Variants in IQCM observed in about 807,000 individuals in gnomAD.
The protein encoded by IQCM is IQ domain-containing protein M.
IQCM carries 45 observed loss-of-function variants against 57.6 expected under a neutral mutation model. The ratio of observed to expected loss-of-function variants is 0.78; its 90% CI spans 0.62 to 1.00. The LOEUF is 1.00. Among genes scored for constraint, IQCM ranks in the 50% least tolerant of loss-of-function variants. The pLI is 0.00. For synonymous variants in IQCM, 148 were observed against 158.9 expected, an observed-to-expected ratio of 0.93 and a Z score of 0.51; for missense variants, 468 against 511.6, an observed-to-expected ratio of 0.91 and a Z score of 0.82.
intron 2 of IQCM, among the ~76,000 whole-genome samples, chr4:149,793,873 C>T (rs566562972): frequency 3.9e-5 from 6 of 152,300 alleles, no homozygotes; most frequent in Admixed American, 2.6e-4. Context: ...GGCAGGAGGG[C>T]AGACTGAGCA....
intron 12 of IQCM, among the ~76,000 whole-genome samples, chr4:149,449,318 G>A (rs904016673): frequency 6.9e-6 from 1 of 144,564 alleles, no homozygotes; most frequent in African/African-American, 2.5e-5. Flanking sequence ...TTAAAACCAG[G>A]TTTATATATA....
At chr4:149,610,446 G>A (rs756644120) in intron 8 of IQCM, among the ~76,000 whole-genome samples, 1 of 151,990 alleles carries the variant, frequency 6.6e-6, no homozygotes, top group Non-Finnish European at 1.5e-5. Context: ...TACAAAGCTG[G>A]AGGCATTGCA....
chr4:149,796,454 G>A (rs928482145), intron 2 of IQCM, among the ~76,000 whole-genome samples: 5 of 152,140 alleles, frequency 3.3e-5, no homozygotes, highest in African/African-American at 1.2e-4. Flanking sequence ...CTCCTGGACA[G>A]CACCTCTGTA....
At chr4:149,555,417 A>G (rs17502007) in intron 10 of IQCM, among the ~76,000 whole-genome samples, 3,627 of 152,248 alleles carry the variant, frequency 0.024, 105 homozygotes, top group South Asian at 0.15. Flanking sequence ...CAAACTTTGA[A>G]TGGAAACAAA....
intron 12 of IQCM, among the ~76,000 whole-genome samples, chr4:149,510,431 C>A (rs976178601): frequency 1.3e-5 from 2 of 152,094 alleles, no homozygotes; most frequent in African/African-American, 4.8e-5. Context: ...TAGCCATACA[C>A]TGTTTTTCAC....
intron 13 of IQCM, among the ~76,000 whole-genome samples, chr4:149,361,650 T>C (rs1729497145): frequency 2.0e-5 from 3 of 152,066 alleles, no homozygotes; most frequent in African/African-American, 7.2e-5. Context: ...TGCACATAAG[T>C]CAAGAATTGA....
intron 5 of IQCM, among the ~76,000 whole-genome samples, chr4:149,689,165 C>G (rs1235465358): frequency 2.0e-5 from 3 of 151,934 alleles, no homozygotes; most frequent in Non-Finnish European, 4.4e-5. Flanking sequence ...AACCCAAATG[C>G]CCATCAGTGA....
chr4:149,369,011 C>G (rs1309177335), intron 13 of IQCM, among the ~76,000 whole-genome samples: 1 of 39,492 alleles, frequency 2.5e-5, no homozygotes, highest in Non-Finnish European at 5.2e-5. Context: ...TATATATACA[C>G]GTGTATATAT....
intron 13 of IQCM, among the ~76,000 whole-genome samples, chr4:149,394,478 G>T (rs1467402586): frequency 6.6e-6 from 1 of 151,896 alleles, no homozygotes; most frequent in African/African-American, 2.4e-5. Context: ...GCAATGTTTG[G>T]GTTCTCTGTT....
At chr4:149,793,272 G>A (rs1301453424) in intron 2 of IQCM, among the ~76,000 whole-genome samples, 1 of 151,988 alleles carries the variant, frequency 6.6e-6, no homozygotes, top group African/African-American at 2.4e-5. Context: ...AAGTGTTCAG[G>A]GTCAGAACCA....
chr4:149,440,459 A>G (rs1735828164), intron 12 of IQCM, among the ~76,000 whole-genome samples: 1 of 152,054 alleles, frequency 6.6e-6, no homozygotes, highest in Non-Finnish European at 1.5e-5. Context: ...AGTTAATTAC[A>G]CAGTTAAATA....
intron 12 of IQCM, among the ~76,000 whole-genome samples, chr4:149,475,906 G>A (rs1220431828): frequency 6.6e-6 from 1 of 152,080 alleles, no homozygotes; most frequent in Non-Finnish European, 1.5e-5. Context: ...GTAGGAAGGT[G>A]TATTTCAGAG....
intron 12 of IQCM, among the ~76,000 whole-genome samples, chr4:149,476,098 A>G (rs1376413818): frequency 6.6e-6 from 1 of 152,086 alleles, no homozygotes; most frequent in African/African-American, 2.4e-5. Flanking sequence ...GGAGAGAGAG[A>G]TGAAAATTAC....
At position 149,768,940 on chromosome 4, in the gene IQCM, T is replaced by C. The variant is rs565041644; in HGVS notation, c.-48-26201A>G. Among the ~76,000 whole-genome samples the C allele has an allele frequency of 5.3e-5, 8 of 152,194 alleles. 1 individual carries two copies. The highest frequency in any genetic ancestry group is 2.1e-4 in the South Asian group (1 of 4,826). ...ACTAAATTTATTAAAAATATACTTA[T>C]GGACATTTAAGCTATCTGAGGTAAT... On this transcript the variant is annotated intron_variant, in intron 2 of 13. Coordinates refer to ENST00000636793, the MANE Select transcript of IQCM (RefSeq NM_001363507.2).
intron 2 of IQCM, among the ~76,000 whole-genome samples, chr4:149,809,877 C>G (rs1774398981): frequency 6.6e-6 from 1 of 152,182 alleles, no homozygotes; most frequent in Admixed American, 6.5e-5. Flanking sequence ...TTACCATAAG[C>G]AACCCAGATA....
chr4:149,645,920 C>T (rs1481539602), intron 7 of IQCM, among the ~76,000 whole-genome samples: 1 of 152,182 alleles, frequency 6.6e-6, no homozygotes, highest in Non-Finnish European at 1.5e-5. Context: ...CCTACTTCCT[C>T]TGCACACCTG....
chr4:149,446,401 A>T (rs900961817), intron 12 of IQCM, among the ~76,000 whole-genome samples: 2 of 151,774 alleles, frequency 1.3e-5, no homozygotes, highest in African/African-American at 4.8e-5. Flanking sequence ...TACTGGCTCA[A>T]ATATGAATAA....
chr4:149,815,285 C>A (rs2150075335), intron 2 of IQCM, 26 bp downstream of exon 2: 1 of 151,992 alleles, frequency 6.6e-6, no homozygotes, highest in Admixed American at 6.6e-5. Context: ...TATATACAGA[C>A]AACGTGGTAT....
At chr4:149,371,125 G>A (rs1192865831) in intron 13 of IQCM, among the ~76,000 whole-genome samples, 1 of 152,036 alleles carries the variant, frequency 6.6e-6, no homozygotes, top group Non-Finnish European at 1.5e-5. Context: ...TATCAAACAG[G>A]GTCTACATCT....
Sources: allele counts gnomAD v4.1 joint callset (sites outside exome capture counted in the v4.1 genomes callset), GRCh38; gene constraint gnomAD v4.1.1; transcripts MANE v1.5; gene names NCBI Gene and HGNC (gene_info 2026-07-23, HGNC 2026-07-21).